Variants in ASH1L observed in about 807,000 individuals in gnomAD.
ASH1L encodes the protein histone-lysine N-methyltransferase ASH1L.
A neutral mutation model predicts 269.0 loss-of-function variants in ASH1L; 23 were observed. The observed-to-expected ratio is 0.09, with a 90% confidence interval of 0.06 to 0.12. The LOEUF is 0.12. Ranked by LOEUF, ASH1L falls within the 10% of genes least tolerant of loss-of-function variation. The probability of loss-of-function intolerance (pLI) is 1.00; values close to 1 mark genes in which losing one functional copy is unlikely to be tolerated. For synonymous variants in ASH1L, 1,187 were observed against 1,253.5 expected, an observed-to-expected ratio of 0.95 and a Z score of 1.12; for missense variants, 2,912 against 3,567.8, an observed-to-expected ratio of 0.82 and a Z score of 4.68.
In ASH1L at chr1:155,415,800, G is replaced by C; in HGVS notation, c.5952C>G (p.Pro1984=). ...LIPREKKPPR[P]PKKKYQKAGL... ...CTGCTTTCTGATACTTCTTCTTTGG[G>C]GGACGTGGGGGCTTCTTTTCCCTTG... Residue 1984 remains proline (P), a synonymous_variant, in exon 6 of 28, where the codon CCC becomes CCG. Transcript: ENST00000392403. 1 of 1,614,012 alleles carries C rather than the reference G, an allele frequency of 6.2e-7. No individual in the cohort carries two copies. The highest frequency in any genetic ancestry group is 1.7e-4 in the Middle Eastern group (1 of 6,056).
intron 6 of ASH1L, among the ~76,000 whole-genome samples, chr1:155,403,294 A>AG (rs547550281): frequency 8.5e-5 from 13 of 152,242 alleles, no homozygotes; most frequent in African/African-American, 2.6e-4. Flanking sequence ...AGACCAGCCT[A>AG]GGCAATGGAG....
chr1:155,479,980 T>C lies in ASH1L; in HGVS notation c.2890A>G (p.Met964Val). The change falls in exon 3 of 28, where the codon ATG becomes GTG. Residue 964 changes from methionine to valine, a missense_variant. By Grantham distance (21) the Met-to-Val change is conservative. Coordinates refer to ENST00000392403, the MANE Select transcript of ASH1L (RefSeq NM_018489.3). ...PSVCSMSDLE[M>V]EPDKKITKRN... ...TTGGTAATTTTTTTATCTGGTTCCA[T>C]CTCAAGGTCACTCATACTACAGACA... The C allele has an allele frequency of 6.2e-7, 1 of 1,613,942 alleles. No individual in the cohort carries two copies. Among genetic ancestry groups the C allele is most frequent in the South Asian group, 1.1e-5 (1 of 91,066 alleles).
intron 1 of ASH1L, among the ~76,000 whole-genome samples, chr1:155,543,703 G>A (rs1215663845): frequency 1.3e-5 from 2 of 151,862 alleles, no homozygotes; most frequent in African/African-American, 4.8e-5. Flanking sequence ...AGGCTGAGGT[G>A]GGAGGGTGAC....
At chr1:155,396,815 A>G (rs1658381934) in intron 6 of ASH1L, 1 of 151,594 alleles carries the variant, frequency 6.6e-6, no homozygotes, top group Non-Finnish European at 1.5e-5. Flanking sequence ...TACAAAAATT[A>G]GCTGAGCATA....
rs558634512 is a variant in ASH1L, at chr1:155,414,003, A to ATATCTTTAT, written c.6008+1740_6008+1741insATAAAGATA. Among the ~76,000 whole-genome samples the ATATCTTTAT allele has an allele frequency of 9.8e-5, 15 of 152,326 alleles. No homozygotes were observed. In the South Asian group the frequency reaches 3.1e-3, roughly 32 times the overall value. ...AAATTTTGTGATATCTACCTCAGTG[A>ATATCTTTAT]CAAATCAATAAAAATCTTTTAAATG... On this transcript the variant is annotated intron_variant, in intron 6 of 27. Coordinates refer to ENST00000392403, the MANE Select transcript of ASH1L (RefSeq NM_018489.3).
chr1:155,517,625 A>C (rs1668579694), intron 2 of ASH1L, among the ~76,000 whole-genome samples: 1 of 145,654 alleles, frequency 6.9e-6, no homozygotes, highest in African/African-American at 2.5e-5. Context: ...CCTAGGCGAC[A>C]GAGTAAGACT....
rs1281598814 is a variant in ASH1L, at chr1:155,478,541, C to A, written c.4329G>T (p.Lys1443Asn). The change falls in exon 3 of 28, where the codon AAG becomes AAT. Residue 1443 changes from lysine (K) to asparagine (N), a missense_variant. Transcript: ENST00000392403. This position sits in a 1 kb window ranked among gnomAD's most constrained non-coding sequence, Gnocchi z 4.6. The part of the protein sequence containing the change: ...LLNPAKYHKK[K>N]HKLLRQEAFL... ...AGGCCTCCTGTCGAAGTAGCTTATG[C>A]TTTTTCTTATGGTATTTGGCAGGAT... The A allele has an allele frequency of 6.2e-7, 1 of 1,614,000 alleles. No homozygotes were observed. Among genetic ancestry groups the A allele is most frequent in the Non-Finnish European group, 8.5e-7 (1 of 1,180,028 alleles).
intron 2 of ASH1L, among the ~76,000 whole-genome samples, chr1:155,503,798 T>C (rs1365634623): frequency 2.0e-5 from 3 of 152,154 alleles, no homozygotes; most frequent in African/African-American, 7.2e-5. Context: ...GAACACAACT[T>C]ACTGCAGCCT....
At chr1:155,563,161 C>T (rs1366646885), upstream of ASH1L, 4 of 456,972 alleles carry the variant, frequency 8.8e-6, no homozygotes, top group Non-Finnish European at 1.3e-5. Flanking sequence ...CGAGGACTGC[C>T]TAGCGCCCCT....
chr1:155,417,035 GA>G (rs1660276346), intron 5 of ASH1L, among the ~76,000 whole-genome samples: 2 of 150,926 alleles, frequency 1.3e-5, no homozygotes, highest in African/African-American at 4.9e-5. Flanking sequence ...GGGTTCAAGA[GA>G]TTCTCCTACC....
intron 7 of ASH1L, among the ~76,000 whole-genome samples, chr1:155,388,572 T>C (rs1181238785): frequency 6.6e-6 from 1 of 152,106 alleles, no homozygotes; most frequent in African/African-American, 2.4e-5. Context: ...CCTCCCAAAG[T>C]GCTGGGATTA....
At chr1:155,436,105 C>T (rs548128766) in intron 5 of ASH1L, among the ~76,000 whole-genome samples, 11 of 152,272 alleles carry the variant, frequency 7.2e-5, no homozygotes, top group South Asian at 4.1e-4. Context: ...TTTGTTATTA[C>T]ATCTAAGAAA....
At chr1:155,500,666 T>C (rs970255226) in intron 2 of ASH1L, among the ~76,000 whole-genome samples, 2 of 152,228 alleles carry the variant, frequency 1.3e-5, no homozygotes, top group Admixed American at 6.5e-5. Context: ...CCAAATTCTC[T>C]GGTAAGAGCT....
intron 1 of ASH1L, among the ~76,000 whole-genome samples, chr1:155,536,632 C>A (rs1670075556): frequency 6.6e-6 from 1 of 152,102 alleles, no homozygotes; most frequent in African/African-American, 2.4e-5. Context: ...ATGAGGGAGG[C>A]TAATCCAGGA....
chr1:155,505,337 C>A (rs1215458936), intron 2 of ASH1L, among the ~76,000 whole-genome samples: 1 of 152,174 alleles, frequency 6.6e-6, no homozygotes, highest in Non-Finnish European at 1.5e-5. Flanking sequence ...TGCTCACCAC[C>A]TTCTCCAATG....
intron 5 of ASH1L, among the ~76,000 whole-genome samples, chr1:155,424,513 T>A (rs954976348): frequency 6.6e-6 from 1 of 151,886 alleles, no homozygotes; most frequent in African/African-American, 2.4e-5. Flanking sequence ...ATTCAAGCGA[T>A]TCTCCTGCCT....
rs1668893014 is a variant in ASH1L, at chr1:155,521,615, T to C, written c.-96A>G. On this transcript the variant is annotated 5_prime_UTR_variant, in exon 2 of 28. Coordinates refer to ENST00000392403, the MANE Select transcript of ASH1L (RefSeq NM_018489.3). ...TCTCCAAAACTCGAAACCAGCATCT[T>C]TCTCTGCAGAACAGATCATAACAAA... 1.7e-6 allele frequency: 2 copies of C among 1,201,468 alleles called. No homozygotes were observed. Among genetic ancestry groups the C allele is most frequent in the Non-Finnish European group, 2.3e-6 (2 of 857,316 alleles). The allele number at this position is 1,201,468 out of a possible 1,614,324, so 74.4% of individuals were successfully genotyped here.
intron 2 of ASH1L, among the ~76,000 whole-genome samples, chr1:155,504,587 C>T (rs1432145661): frequency 6.6e-6 from 1 of 152,180 alleles, no homozygotes; most frequent in Admixed American, 6.5e-5. Context: ...GGCGCGGTGG[C>T]TCAGGCCTGT....
rs1657887208 is a variant in ASH1L, at chr1:155,391,011, T to C, written c.6103+4448A>G. Reference sequence around the variant, plus strand: ...CCCAGGCTGGAGTACAGTGGCGCAATCTCTGCTCACTGTAACCTCTGCCTC... The same window carrying C: ...CCCAGGCTGGAGTACAGTGGCGCAACCTCTGCTCACTGTAACCTCTGCCTC... On this transcript the variant is annotated intron_variant, in intron 7 of 27. Coordinates refer to ENST00000392403, the MANE Select transcript of ASH1L (RefSeq NM_018489.3). 6.0e-5 allele frequency among the ~76,000 whole-genome samples: 9 copies of C among 151,190 alleles called. No homozygotes were observed. In the South Asian group the frequency reaches 1.9e-3, roughly 32 times the overall value.
Sources: allele counts gnomAD v4.1 joint callset (sites outside exome capture counted in the v4.1 genomes callset), GRCh38; gene constraint gnomAD v4.1.1; non-coding constraint Gnocchi (gnomAD v3.1); transcripts MANE v1.5; gene names NCBI Gene and HGNC (gene_info 2026-07-23, HGNC 2026-07-21).